Variants in GALNT5 observed in about 807,000 individuals in gnomAD.
GALNT5 encodes the protein polypeptide N-acetylgalactosaminyltransferase 5, also known as UDP-GalNAc:polypeptide N-acetylgalactosaminyltransferase 5.
GALNT5 carries 72 observed loss-of-function variants against 85.4 expected under a neutral mutation model. That is an observed-to-expected ratio of 0.84 (90% CI 0.70 to 1.03). GALNT5 has a LOEUF of 1.03. GALNT5 is among the 50% of genes least tolerant of loss of function. The pLI, the probability that GALNT5 is intolerant of heterozygous loss-of-function variation, is 0.00. For missense variants in GALNT5, 1,137 were observed against 1,135.5 expected, an observed-to-expected ratio of 1.00 and a Z score of -0.02; for synonymous variants, 404 against 397.0, an observed-to-expected ratio of 1.02 and a Z score of -0.21.
In GALNT5 at chr2:157,308,490, T is replaced by G. The variant is rs1480006890; in HGVS notation, c.2521-77T>G. The G allele has an allele frequency of 8.4e-6, 9 of 1,073,708 alleles. No homozygotes were observed. In the Admixed American group the frequency reaches 2.2e-4, roughly 26 times the overall value. The allele number at this position is 1,073,708 out of a possible 1,614,324, so 66.5% of individuals were successfully genotyped here. A position where few individuals can be genotyped will look rare whatever the true frequency, so the allele number is the denominator to read the frequency against. On this transcript the variant is annotated intron_variant, in intron 8 of 9. Coordinates refer to ENST00000259056, the MANE Select transcript of GALNT5 (RefSeq NM_014568.3). ...TCATAGTTCCTATATTCTTAACTGT[T>G]GCTAACAAAAATGTTTGACAAAGCC...
chr2:157,300,717 C>T lies in GALNT5; in HGVS notation c.2157C>T (p.Ser719=). Residue 719 remains serine (S), a synonymous_variant, in exon 7 of 10, where the codon TCC becomes TCT. Transcript: ENST00000259056. Reference sequence around the variant, plus strand: ...GTGAAATTGAGATCATTCCCTGCTCCCGAGTGGGCCATATATTCAGAAATG... The same window carrying T: ...GTGAAATTGAGATCATTCCCTGCTCTCGAGTGGGCCATATATTCAGAAATG... ...CGGEIEIIPC[S]RVGHIFRNDN... 6.2e-7 allele frequency: 1 copy of T among 1,613,802 alleles called. No individual in the cohort carries two copies. Among genetic ancestry groups the T allele is most frequent in the Non-Finnish European group, 8.5e-7 (1 of 1,179,774 alleles).
rs143634326 is a variant in GALNT5 at position 157,258,618 on chromosome 2, C to T, written c.536C>T (p.Thr179Ile). The T allele has an allele frequency of 6.2e-7, 1 of 1,613,656 alleles. No homozygotes were observed. Among genetic ancestry groups the T allele is most frequent in the Admixed American group, 1.7e-5 (1 of 59,972 alleles). ...ACCTCATTCATAGCAGCAAAAGGAA[C>T]TCAGGTAGTCAAAATATCAGTACAC... ...PKTSFIAAKG[T>I]QVVKISVHMG... Residue 179 changes from threonine (T) to isoleucine (I), a missense_variant, in exon 1 of 10, where the codon ACT (threonine) becomes ATT (isoleucine). Thr to Ile is a moderately conservative substitution (Grantham distance 89, BLOSUM62 -1). Transcript: ENST00000259056.
chr2:157,275,303 G>C (rs1467254175), intron 1 of GALNT5, among the ~76,000 whole-genome samples: 1 of 152,154 alleles, frequency 6.6e-6, no homozygotes, highest in Non-Finnish European at 1.5e-5. Context: ...GATTGTCTTG[G>C]CAATGCAGGC....
Position 157,312,886 on chromosome 2 carries a change from A to T in GALNT5, c.*1538A>T, listed in dbSNP as rs1055160538. The T allele has an allele frequency of 6.6e-6, 1 of 152,070 alleles. No individual in the cohort carries two copies. Among genetic ancestry groups the T allele is most frequent in the Non-Finnish European group, 1.5e-5 (1 of 67,990 alleles). The allele number at this position is 152,070 out of a possible 1,614,324, so 9.4% of individuals were successfully genotyped here. A position where few individuals can be genotyped will look rare whatever the true frequency, so the allele number is the denominator to read the frequency against. On this transcript the variant is annotated 3_prime_UTR_variant, in exon 10 of 10. Coordinates refer to ENST00000259056, the MANE Select transcript of GALNT5 (RefSeq NM_014568.3). ...TTGTTAATATGTTTTTTCTTTTTTT[A>T]AATTTAAACTTTTGTTCAGTTGAGA...
intron 2 of GALNT5, among the ~76,000 whole-genome samples, chr2:157,284,970 C>G (rs1319350779): frequency 6.6e-6 from 1 of 152,214 alleles, no homozygotes; most frequent in Non-Finnish European, 1.5e-5. Flanking sequence ...AAACCAGAAT[C>G]CACCATAGCC....
rs1384631411 is a variant in GALNT5 at position 157,292,223 on chromosome 2, T to C, written c.1742-3440T>C. On this transcript the variant is annotated intron_variant, in intron 3 of 9. Transcript: ENST00000259056. ...TTGTATGTAACTTTAATGCTATGCTTATTTCACTGTGCCTCTCCCCTCTCT... is the reference window on the plus strand; with the variant it reads ...TTGTATGTAACTTTAATGCTATGCTCATTTCACTGTGCCTCTCCCCTCTCT... Among the ~76,000 whole-genome samples, 5 of 152,198 alleles carry C rather than the reference T, an allele frequency of 3.3e-5. No individual in the cohort carries two copies. The South Asian group carries it at 8.3e-4, about 25-fold the overall frequency.
rs1386564311 is a variant in GALNT5 at position 157,314,400 on chromosome 2, AGTT to A, written c.*3060_*3062del. Among the ~76,000 whole-genome samples the A allele has an allele frequency of 2.0e-5, 3 of 152,160 alleles. No homozygotes were observed. The highest frequency in any genetic ancestry group is 2.1e-4 in the South Asian group (1 of 4,822). ...GCCCTACTCTCTTGTAAGCTGACAC[AGTT>A]GTTGTTGGTACAATCTTGTTCTATC... On this transcript the variant is annotated 3_prime_UTR_variant, in exon 10 of 10. Transcript: ENST00000259056.
At chr2:157,259,618 G>A (rs1574008162) in intron 1 of GALNT5, 82 bp downstream of exon 1, 1 of 1,053,018 alleles carries the variant, frequency 9.5e-7, no homozygotes, top group East Asian at 2.9e-5. Context: ...AGATAATTCT[G>A]TGTGATTTTT....
chr2:157,310,934 G>A (rs1683554731), intron 9 of GALNT5, among the ~76,000 whole-genome samples: 1 of 152,126 alleles, frequency 6.6e-6, no homozygotes, highest in South Asian at 2.1e-4. Context: ...TCTTTAAAGA[G>A]TATAGTTCTC....
chr2:157,303,234 C>T (rs1683377955), intron 7 of GALNT5, among the ~76,000 whole-genome samples: 1 of 152,022 alleles, frequency 6.6e-6, no homozygotes, highest in Non-Finnish European at 1.5e-5. Context: ...GCTCCGTTTC[C>T]CTTTTTTCAA....
At chr2:157,260,948 T>A (rs975425623) in intron 1 of GALNT5, among the ~76,000 whole-genome samples, 1 of 152,222 alleles carries the variant, frequency 6.6e-6, no homozygotes, top group Non-Finnish European at 1.5e-5. Context: ...CCTGGGATGC[T>A]AGATTGCCTG....
Position 157,258,560 on chromosome 2 carries a change from CCAAAG to C in GALNT5, c.483_487del (p.Lys161AsnfsTer40). On this transcript the variant is annotated frameshift_variant, in exon 1 of 10. Coordinates refer to ENST00000259056, the MANE Select transcript of GALNT5 (RefSeq NM_014568.3). LOFTEE classifies it high-confidence loss of function. ...TGAAGCCTCCTCTCACCAGGGGACACCAAAGCAAACGACAGCTCAGGGGGCTCCAA... is the reference window on the plus strand; with the variant it reads ...TGAAGCCTCCTCTCACCAGGGGACACCAAACGACAGCTCAGGGGGCTCCAA... 6.2e-7 allele frequency: 1 copy of C among 1,613,204 alleles called. No individual in the cohort carries two copies. The highest frequency in any genetic ancestry group is 8.5e-7 in the Non-Finnish European group (1 of 1,179,892).
chr2:157,296,534 A>G (rs1481877944), intron 5 of GALNT5, 21 bp downstream of exon 5: 1 of 1,586,634 alleles, frequency 6.3e-7, no homozygotes, highest in Admixed American at 1.7e-5. Context: ...GAAATTTAAG[A>G]CTAGAAAGCA....
At chr2:157,263,330 G>C (rs147863126) in intron 1 of GALNT5, among the ~76,000 whole-genome samples, 1 of 152,234 alleles carries the variant, frequency 6.6e-6, no homozygotes, top group African/African-American at 2.4e-5. Context: ...CATCCACTGA[G>C]GTTTTCATTC....
At chr2:157,296,598 T>A (rs1683219611) in intron 5 of GALNT5, 85 bp downstream of exon 5, 2 of 954,878 alleles carry the variant, frequency 2.1e-6, no homozygotes, top group East Asian at 5.0e-5. Context: ...AGCTGTATCT[T>A]GTTATTCTAT....
At chr2:157,299,729 A>T in intron 6 of GALNT5, 64 bp downstream of exon 6, 1 of 869,512 alleles carries the variant, frequency 1.2e-6, no homozygotes. Flanking sequence ...AAATGGTTTG[A>T]TTTTACTACC....
rs1683296120 is a variant in GALNT5, at chr2:157,299,581, T to C, written c.2031T>C (p.Ile677=). ...CPVMAGGLFS[I]DKSYFFELGT... ...TCATGGCTGGTGGATTGTTTTCTAT[T>C]GACAAAAGTTACTTTTTTGAACTTG... Residue 677 remains isoleucine, a synonymous_variant, in exon 6 of 10, where the codon ATT becomes ATC. Transcript: ENST00000259056. 2.5e-6 allele frequency: 4 copies of C among 1,613,036 alleles called. No individual in the cohort carries two copies. The highest frequency in any genetic ancestry group is 1.3e-5 in the African/African-American group (1 of 74,912).
At chr2:157,273,619 C>A (rs1682643526) in intron 1 of GALNT5, among the ~76,000 whole-genome samples, 1 of 99,506 alleles carries the variant, frequency 1.0e-5, no homozygotes, top group Admixed American at 9.4e-5. Context: ...TTGAAAACAG[C>A]ATATTTCTTG....
At position 157,258,803 on chromosome 2, in the gene GALNT5, C is replaced by A. The variant is rs1402941615; in HGVS notation, c.721C>A (p.Pro241Thr). ...GGCAGTAGCAAACGAGAGGGCACACCCTGCCAGCACAGCAGTGCCGAAGTC... is the reference window on the plus strand; with the variant it reads ...GGCAGTAGCAAACGAGAGGGCACACACTGCCAGCACAGCAGTGCCGAAGTC... ...SQAVANERAH[P>T]ASTAVPKSGE... The change falls in exon 1 of 10, where the codon CCT (proline) becomes ACT (threonine). Residue 241 changes from proline (P) to threonine (T), a missense_variant. Pro to Thr is a conservative substitution (Grantham distance 38). Transcript: ENST00000259056. 3.1e-6 allele frequency: 5 copies of A among 1,602,076 alleles called. No individual in the cohort carries two copies. The African/African-American group carries it at 5.4e-5, about 17-fold the overall frequency.
Sources: gnomAD v4.1 joint callset for allele counts (sites outside exome capture counted in the v4.1 genomes callset) on GRCh38, gnomAD v4.1.1 for gene constraint, MANE v1.5 for transcripts, NCBI Gene and HGNC (gene_info 2026-07-23, HGNC 2026-07-21) for gene names.